The following RABGAP1 variants were observed in gnomAD, a reference collection of about 807,000 sequenced individuals.
RABGAP1 encodes the protein rab GTPase-activating protein 1.
Under a neutral mutation model 137.6 loss-of-function variants are expected in RABGAP1, and 23 were observed. That is an observed-to-expected ratio of 0.17 (90% confidence interval 0.12 to 0.24). The LOEUF (loss-of-function observed/expected upper bound fraction) is 0.24, where lower values mean the gene tolerates loss of function less well. RABGAP1 is among the 10% of genes least tolerant of loss of function. The pLI is 1.00. For synonymous variants in RABGAP1, 451 were observed against 450.7 expected (o/e 1.00, Z -0.01); for missense variants, 906 against 1,275.8 (o/e 0.71, Z 4.42).
chr9:123,020,175 CTTTT>C (rs914744781), intron 12 of RABGAP1, 130 bp from the exon 13 acceptor site: 2 of 762,574 alleles, frequency 2.6e-6, no homozygotes, highest in East Asian at 7.1e-5. Context: ...TTCAGAAGCA[CTTTT>C]TTTTCCCTTT....
chr9:123,092,708 G>T (rs1203963000), intron 21 of RABGAP1, among the ~76,000 whole-genome samples: 4 of 152,204 alleles, frequency 2.6e-5, no homozygotes, highest in African/African-American at 9.6e-5. Flanking sequence ...GCTAGGCACT[G>T]TTCTAAGTGC....
At chr9:123,045,393 C>T (rs149468845) in intron 13 of RABGAP1, among the ~76,000 whole-genome samples, 290 of 152,196 alleles carry the variant, frequency 1.9e-3, no homozygotes, top group African/African-American at 6.2e-3. Context: ...AGCCTTTTTT[C>T]ATTTATAAAA....
chr9:123,092,062 T>C (rs533830295), intron 21 of RABGAP1, among the ~76,000 whole-genome samples: 1 of 152,104 alleles, frequency 6.6e-6, no homozygotes, highest in Non-Finnish European at 1.5e-5. Flanking sequence ...AAAAAAAATA[T>C]GGGTCTTGAA....
At chr9:122,978,096 G>A (rs1835857146) in intron 2 of RABGAP1, among the ~76,000 whole-genome samples, 1 of 152,022 alleles carries the variant, frequency 6.6e-6, no homozygotes, top group Non-Finnish European at 1.5e-5. Flanking sequence ...CAAATGTAAA[G>A]TCTCATGTAA....
At chr9:122,944,480 C>T (rs1366541442) in intron 1 of RABGAP1, among the ~76,000 whole-genome samples, 2 of 152,072 alleles carry the variant, frequency 1.3e-5, no homozygotes, top group East Asian at 3.9e-4. Context: ...TCCTCCCACT[C>T]TGGCCTCCCA....
At chr9:123,027,359 C>G (rs746937828) in intron 13 of RABGAP1, among the ~76,000 whole-genome samples, 15 of 152,160 alleles carry the variant, frequency 9.9e-5, no homozygotes, top group Non-Finnish European at 2.1e-4. Flanking sequence ...TGTGATCCCC[C>G]CAGCTTGGCC....
chr9:122,934,986 A>C, the RABGAP1 span, among the ~76,000 whole-genome samples: 1 of 152,156 alleles, frequency 6.6e-6, no homozygotes, highest in Non-Finnish European at 1.5e-5. Flanking sequence ...AACCATTTAG[A>C]TTTAAAGTAA....
At chr9:122,946,470 A>T (rs1168348568) in intron 1 of RABGAP1, among the ~76,000 whole-genome samples, 1 of 152,198 alleles carries the variant, frequency 6.6e-6, no homozygotes, top group Admixed American at 6.5e-5. Context: ...TTGCTTAAAA[A>T]TACTCATATT....
At chr9:123,051,328 A>T (rs1472280884) in intron 13 of RABGAP1, among the ~76,000 whole-genome samples, 1 of 132,240 alleles carries the variant, frequency 7.6e-6, no homozygotes. Context: ...GCCCACTGCA[A>T]CCTCCGCCTC....
chr9:122,965,487 G>A (rs28612981), intron 2 of RABGAP1, among the ~76,000 whole-genome samples: 3,781 of 152,268 alleles, frequency 0.025, 166 homozygotes, highest in African/African-American at 0.087. Flanking sequence ...GGGTTCAAGA[G>A]TTTCTCCTGC....
chr9:122,976,786 A>G (rs1321370985), intron 2 of RABGAP1, among the ~76,000 whole-genome samples: 1 of 152,234 alleles, frequency 6.6e-6, no homozygotes, highest in African/African-American at 2.4e-5. Flanking sequence ...TAGCAATGCT[A>G]GAATAAACAT....
chr9:122,989,552 A>G, intron 5 of RABGAP1, 81 bp downstream of exon 5: 1 of 1,407,362 alleles, frequency 7.1e-7, no homozygotes, highest in Non-Finnish European at 9.9e-7. Flanking sequence ...GGTATTTATT[A>G]TGATCACTCA....
At chr9:123,062,159 T>C (rs1215092100) in intron 13 of RABGAP1, 2 of 152,184 alleles carry the variant, frequency 1.3e-5, no homozygotes, top group East Asian at 3.8e-4. Flanking sequence ...TCCCAGCTAC[T>C]TGGGAGGCTG....
intron 13 of RABGAP1, among the ~76,000 whole-genome samples, chr9:123,049,816 C>T (rs1232596885): frequency 6.6e-6 from 1 of 152,216 alleles, no homozygotes; most frequent in African/African-American, 2.4e-5. Flanking sequence ...TGAGAAAGAG[C>T]TACCGCTGAT....
intron 13 of RABGAP1, among the ~76,000 whole-genome samples, chr9:123,054,274 A>G (rs1370946920): frequency 2.6e-5 from 4 of 152,226 alleles, no homozygotes; most frequent in Non-Finnish European, 4.4e-5. Context: ...TTGAGCATAT[A>G]TCCACAATGT....
At chr9:122,981,756 T>G (rs376771584) in intron 2 of RABGAP1, among the ~76,000 whole-genome samples, 12 of 152,224 alleles carry the variant, frequency 7.9e-5, no homozygotes, top group East Asian at 5.8e-4. Context: ...CTTAATTGAT[T>G]AAAGTATGCA....
At chr9:122,972,462 G>T (rs536442839) in intron 2 of RABGAP1, among the ~76,000 whole-genome samples, 2 of 152,130 alleles carry the variant, frequency 1.3e-5, no homozygotes, top group Non-Finnish European at 2.9e-5. Flanking sequence ...GTAGTCGCTC[G>T]TCTTAGGCTT....
At chr9:123,026,380 A>G (rs1227573106) in intron 13 of RABGAP1, among the ~76,000 whole-genome samples, 2 of 152,134 alleles carry the variant, frequency 1.3e-5, no homozygotes, top group East Asian at 3.8e-4. Flanking sequence ...TGGATTTTTT[A>G]TTAGGAATGT....
At chr9:122,966,547 G>A (rs1835155304) in intron 2 of RABGAP1, among the ~76,000 whole-genome samples, 1 of 151,838 alleles carries the variant, frequency 6.6e-6, no homozygotes, top group African/African-American at 2.4e-5. Flanking sequence ...AATAAATAAA[G>A]CTATAGAATT....
Sources: allele counts gnomAD v4.1 joint callset (sites outside exome capture counted in the v4.1 genomes callset), GRCh38; gene constraint gnomAD v4.1.1; transcripts MANE v1.5; gene names NCBI Gene and HGNC (gene_info 2026-07-23, HGNC 2026-07-21).